Variants in DLG2 observed in about 807,000 individuals in gnomAD.
DLG2 encodes disks large homolog 2.
In DLG2, 45 loss-of-function variants were observed where a neutral mutation model predicts 132.5. That is an observed-to-expected ratio of 0.34 (90% CI 0.27 to 0.44). The LOEUF (loss-of-function observed/expected upper bound fraction) is 0.44, where lower values mean the gene tolerates loss of function less well. Among genes scored for constraint, DLG2 ranks in the 20% least tolerant of loss-of-function variants. The probability of loss-of-function intolerance (pLI) is 1.00; values close to 1 mark genes in which losing one functional copy is unlikely to be tolerated. For missense variants in DLG2, 1,045 were observed against 1,196.9 expected (o/e 0.87, Z 1.87); for synonymous variants, 424 against 419.6 (o/e 1.01, Z -0.13).
intron 22 of DLG2, among the ~76,000 whole-genome samples, chr11:83,481,749 A>G (rs1403098986): frequency 6.6e-6 from 1 of 152,170 alleles, no homozygotes; most frequent in African/African-American, 2.4e-5. Flanking sequence ...GTCAAGGCAC[A>G]TAATCAATAA....
At chr11:85,142,433 A>G (rs1295939470) in intron 5 of DLG2, among the ~76,000 whole-genome samples, 5 of 151,604 alleles carry the variant, frequency 3.3e-5, no homozygotes, top group African/African-American at 1.2e-4. Flanking sequence ...TATTGAATTT[A>G]TTCTTCAGTT....
intron 19 of DLG2, among the ~76,000 whole-genome samples, chr11:83,607,416 A>G (rs1250525220): frequency 6.6e-6 from 1 of 152,194 alleles, no homozygotes; most frequent in African/African-American, 2.4e-5. Context: ...TATGGGCACT[A>G]TGGTGGGGTC....
At position 84,239,508 on chromosome 11, in the gene DLG2, A is replaced by G. The variant is rs913004546; in HGVS notation, c.573+11730T>C. 3.3e-5 allele frequency among the ~76,000 whole-genome samples: 5 copies of G among 152,156 alleles called. No individual in the cohort carries two copies. The South Asian group carries it at 6.2e-4, about 19-fold the overall frequency. On this transcript the variant is annotated intron_variant, in intron 8 of 27. Transcript: ENST00000376104. ...GGAATTTAAAGATAAGTAAAGCACA[A>G]TTGTATCTGGTGAATATCAAGTACT...
rs78625000 is a variant in DLG2 at position 84,785,947 on chromosome 11, T to C, written c.358-251216A>G. ...TACCTAAGACCTAGAATAAGTCTTT[T>C]TCTTGAAAATCATTTTTTTTCCCAA... On this transcript the variant is annotated intron_variant, in intron 6 of 27. Coordinates refer to ENST00000376104, the MANE Select transcript of DLG2 (RefSeq NM_001142699.3). Among the ~76,000 whole-genome samples, 66 of 152,224 alleles carry C rather than the reference T, an allele frequency of 4.3e-4. No homozygotes were observed. In the East Asian group the frequency reaches 0.011, roughly 25 times the overall value.
At chr11:83,872,281 T>G (rs4944452) in intron 16 of DLG2, among the ~76,000 whole-genome samples, 115,093 of 152,026 alleles carry the variant, frequency 0.76, 43,794 homozygotes, top group Middle Eastern at 0.88. Flanking sequence ...TGGCGAGTTG[T>G]ATACTATTTT....
intron 6 of DLG2, among the ~76,000 whole-genome samples, chr11:84,787,346 C>G (rs752162285): frequency 6.6e-6 from 1 of 152,178 alleles, no homozygotes; most frequent in Non-Finnish European, 1.5e-5. Flanking sequence ...ATGTCCTACT[C>G]TAGCCAAATC....
intron 6 of DLG2, among the ~76,000 whole-genome samples, chr11:84,660,273 G>A (rs149610339): frequency 6.6e-6 from 1 of 152,112 alleles, no homozygotes; most frequent in African/African-American, 2.4e-5. Context: ...TGAGTGTAAA[G>A]GTCAGACTTC....
intron 6 of DLG2, among the ~76,000 whole-genome samples, chr11:84,870,100 A>T (rs2154040569): frequency 6.6e-6 from 1 of 152,330 alleles, no homozygotes; most frequent in Non-Finnish European, 1.5e-5. Context: ...ATGAAAATAT[A>T]TTAAGTTCAA....
chr11:85,133,020 C>T (rs1270889368), intron 5 of DLG2: 16 of 343,464 alleles, frequency 4.7e-5, no homozygotes, highest in South Asian at 2.5e-4. Context: ...AAATCAGCTC[C>T]GGCAAAACTT....
chr11:83,924,057 G>A (rs570223802), intron 15 of DLG2, among the ~76,000 whole-genome samples: 1 of 152,110 alleles, frequency 6.6e-6, no homozygotes, highest in East Asian at 1.9e-4. Flanking sequence ...ATAACACGAT[G>A]CTTAACTTAT....
intron 3 of DLG2, among the ~76,000 whole-genome samples, chr11:85,485,190 TG>T (rs1160768544): frequency 6.7e-6 from 1 of 149,366 alleles, no homozygotes; most frequent in Non-Finnish European, 1.5e-5. Context: ...TGTCACACTC[TG>T]GGGACTGTTG....
chr11:85,383,282 A>G (rs1207562498), intron 3 of DLG2, among the ~76,000 whole-genome samples: 1 of 152,176 alleles, frequency 6.6e-6, no homozygotes, highest in Non-Finnish European at 1.5e-5. Context: ...ACATGTACAG[A>G]AAGTAGATTA....
chr11:84,894,506 C>G (rs887890438), intron 6 of DLG2, among the ~76,000 whole-genome samples: 1 of 152,080 alleles, frequency 6.6e-6, no homozygotes, highest in Non-Finnish European at 1.5e-5. Flanking sequence ...ACACAAACTC[C>G]TGGGTCTCCT....
At chr11:83,627,997 C>CTGCATAAA (rs1476154839) in intron 19 of DLG2, among the ~76,000 whole-genome samples, 1 of 152,150 alleles carries the variant, frequency 6.6e-6, no homozygotes, top group Non-Finnish European at 1.5e-5. Flanking sequence ...TGTCTGTTGG[C>CTGCATAAA]TGCATAAATG....
intron 3 of DLG2, among the ~76,000 whole-genome samples, chr11:85,297,490 A>G (rs190924656): frequency 1.3e-5 from 2 of 152,220 alleles, no homozygotes; most frequent in Non-Finnish European, 2.9e-5. Flanking sequence ...GTTTCCAGAC[A>G]AGGAAAACTA....
intron 21 of DLG2, among the ~76,000 whole-genome samples, chr11:83,524,242 C>G (rs2095552018): frequency 6.6e-6 from 1 of 152,112 alleles, no homozygotes; most frequent in Admixed American, 6.5e-5. Context: ...CCAAACTTTT[C>G]CACTGTGCCT....
intron 7 of DLG2, among the ~76,000 whole-genome samples, chr11:84,408,555 G>A (rs532088494): frequency 2.0e-4 from 30 of 152,186 alleles, no homozygotes; most frequent in African/African-American, 7.2e-4. Flanking sequence ...TCAATCGGGG[G>A]TTATGGCTAT....
At chr11:85,437,149 T>C (rs2091527581) in intron 3 of DLG2, among the ~76,000 whole-genome samples, 1 of 151,502 alleles carries the variant, frequency 6.6e-6, no homozygotes, top group African/African-American at 2.4e-5. Flanking sequence ...AGGAACTGCG[T>C]GGGGAGGGAT....
At chr11:83,682,673 A>C (rs898887569) in intron 18 of DLG2, among the ~76,000 whole-genome samples, 2 of 151,844 alleles carry the variant, frequency 1.3e-5, no homozygotes, top group Non-Finnish European at 2.9e-5. Flanking sequence ...GTAAGGATCA[A>C]CTCCTATATT....
Sources: gnomAD v4.1 joint callset for allele counts (sites outside exome capture counted in the v4.1 genomes callset) on GRCh38, gnomAD v4.1.1 for gene constraint, MANE v1.5 for transcripts, NCBI Gene and HGNC (gene_info 2026-07-23, HGNC 2026-07-21) for gene names.